The following ITGA4 variants were observed in gnomAD, a reference collection of about 807,000 sequenced individuals.
ITGA4 encodes the protein integrin alpha-4.
A neutral mutation model predicts 133.6 loss-of-function variants in ITGA4; 63 were observed. The observed-to-expected ratio is 0.47, with a 90% CI of 0.38 to 0.58. ITGA4 has a LOEUF of 0.58. ITGA4 is among the 20% of genes least tolerant of loss of function. The probability of loss-of-function intolerance (pLI) is 0.00; values close to 1 mark genes in which losing one functional copy is unlikely to be tolerated. For missense variants in ITGA4, 1,076 were observed against 1,252.7 expected (o/e 0.86, Z 2.13); for synonymous variants, 483 against 438.0 (o/e 1.10, Z -1.28).
intron 9 of ITGA4, 55 bp downstream of exon 9, chr2:181,482,706 A>T: frequency 6.5e-7 from 1 of 1,534,992 alleles, no homozygotes; most frequent in Non-Finnish European, 9.0e-7. Flanking sequence ...TCAAAACTCA[A>T]ATTGGTCTTA....
chr2:181,470,221 C>T (rs533701803), intron 2 of ITGA4, among the ~76,000 whole-genome samples: 1 of 151,836 alleles, frequency 6.6e-6, no homozygotes, highest in East Asian at 1.9e-4. Context: ...AGCAATCTCA[C>T]TGAAGGTATA....
Position 181,495,280 on chromosome 2 carries a change from A to G in ITGA4, c.1340-91A>G, listed in dbSNP as rs530771860. ...TCTATAAATAGTGTTTTAGGTAGTCAAAGGTGATACGTAGTTAAGTATTTA... is the reference window on the plus strand; with the variant it reads ...TCTATAAATAGTGTTTTAGGTAGTCGAAGGTGATACGTAGTTAAGTATTTA... On this transcript the variant is annotated intron_variant, in intron 12 of 27. Coordinates refer to ENST00000397033, the MANE Select transcript of ITGA4 (RefSeq NM_000885.6). This position sits in a 1 kb window ranked among gnomAD's most constrained non-coding sequence, Gnocchi z 4.3. 1.6e-4 allele frequency: 147 copies of G among 899,790 alleles called. No homozygotes were observed. In the Middle Eastern group the frequency reaches 2.0e-3, roughly 12 times the overall value. The allele number at this position is 899,790 out of a possible 1,614,324, so 55.7% of individuals were successfully genotyped here.
intron 9 of ITGA4, among the ~76,000 whole-genome samples, chr2:181,482,895 G>A (rs1685837337): frequency 6.6e-6 from 1 of 152,096 alleles, no homozygotes; most frequent in African/African-American, 2.4e-5. Context: ...TTCACAGCTT[G>A]TATGTGTTCA....
intron 2 of ITGA4, among the ~76,000 whole-genome samples, chr2:181,472,167 T>C (rs1048664559): frequency 2.6e-5 from 4 of 152,202 alleles, no homozygotes; most frequent in Admixed American, 6.5e-5. Flanking sequence ...AAGGAGGCAA[T>C]GCAGAATATT....
Position 181,478,880 on chromosome 2 carries a change from C to T in ITGA4, c.624+56C>T, listed in dbSNP as rs1187823332. The T allele has an allele frequency of 6.8e-6, 6 of 884,736 alleles. No homozygotes were observed. In the African/African-American group the frequency reaches 1.0e-4, roughly 15 times the overall value. The allele number at this position is 884,736 out of a possible 1,614,324, so 54.8% of individuals were successfully genotyped here. A position where few individuals can be genotyped will look rare whatever the true frequency, so the allele number is the denominator to read the frequency against. ...GTTTACATATAGAATCTTAATTCTT[C>T]TCATGGTTTGGAAGACTGATATGTT... On this transcript the variant is annotated intron_variant, in intron 5 of 27. Coordinates refer to ENST00000397033, the MANE Select transcript of ITGA4 (RefSeq NM_000885.6).
At position 181,498,313 on chromosome 2, in the gene ITGA4, T is replaced by A. The variant is rs155085; in HGVS notation, c.1541-310T>A. 1,330 of 168,650 alleles carry A rather than the reference T, an allele frequency of 7.9e-3. 17 individuals carry two copies. Among genetic ancestry groups the A allele is most frequent in the African/African-American group, 0.029 (1,208 of 42,036 alleles). The allele number at this position is 168,650 out of a possible 1,614,324, so 10.4% of individuals were successfully genotyped here. ...AAAAGGAATATGAAACATGCAAGAC[T>A]TTTATTAGCAACAATTTTTATATTT... On this transcript the variant is annotated intron_variant, in intron 14 of 27. Coordinates refer to ENST00000397033, the MANE Select transcript of ITGA4 (RefSeq NM_000885.6).
intron 24 of ITGA4, among the ~76,000 whole-genome samples, chr2:181,531,445 A>G (rs745572963): frequency 5.3e-5 from 8 of 152,254 alleles, no homozygotes; most frequent in Non-Finnish European, 1.0e-4. Context: ...GCTGCAGTTT[A>G]AATACTTTAT....
chr2:181,495,447 C>T lies in ITGA4; in HGVS notation c.1385+31C>T, dbSNP rs1178611538. On this transcript the variant is annotated intron_variant, in intron 13 of 27. Coordinates refer to ENST00000397033, the MANE Select transcript of ITGA4 (RefSeq NM_000885.6). The surrounding 1 kb of genome is among the most constrained non-coding windows in gnomAD (Gnocchi z 4.3). ...ACTGATATATTTCACTGCTTAATTG[C>T]AATTTGGTTTAATTGTAAAATGATG... The T allele has an allele frequency of 1.3e-6, 2 of 1,540,946 alleles. No homozygotes were observed. The highest frequency in any genetic ancestry group is 4.5e-5 in the East Asian group (2 of 44,402).
At chr2:181,475,725 T>C in intron 4 of ITGA4, 12 of 1,473,706 alleles carry the variant, frequency 8.1e-6, no homozygotes, top group Non-Finnish European at 1.0e-5. Context: ...TCGCACTCAC[T>C]ATCTCTTTTT....
chr2:181,524,349 G>A (rs1574411415), intron 20 of ITGA4, 99 bp downstream of exon 20: 1 of 655,032 alleles, frequency 1.5e-6, no homozygotes, highest in African/African-American at 1.9e-5. Context: ...TTAATTGTAA[G>A]AGAAAACTTC....
rs772525799 is a variant in ITGA4, at chr2:181,537,820, A to ATTGT, written c.*2295_*2298dup. ...TTGACTTTTAAAGCCCTAGAGGCTA[A>ATTGT]TTGTTAGTAACATCAATTTCTATTA... On this transcript the variant is annotated 3_prime_UTR_variant, in exon 28 of 28. Coordinates refer to ENST00000397033, the MANE Select transcript of ITGA4 (RefSeq NM_000885.6). 16 of 477,288 alleles carry ATTGT rather than the reference A, an allele frequency of 3.4e-5. No individual in the cohort carries two copies. The highest frequency in any genetic ancestry group is 6.2e-5 in the South Asian group (4 of 64,670). 29.6% of individuals were successfully genotyped at this position (477,288 alleles called of 1,614,324 possible). A position where few individuals can be genotyped will look rare whatever the true frequency, so the allele number is the denominator to read the frequency against.
At chr2:181,475,885 G>GA (rs750297357) in intron 4 of ITGA4, 2 of 1,586,124 alleles carry the variant, frequency 1.3e-6, no homozygotes, top group East Asian at 4.5e-5. Context: ...AATGTCAACA[G>GA]AGCATGTCAG....
chr2:181,486,917 G>A (rs16867430), intron 10 of ITGA4, among the ~76,000 whole-genome samples: 327 of 152,154 alleles, frequency 2.1e-3, no homozygotes, highest in Non-Finnish European at 3.3e-3. Flanking sequence ...AAGTGCTGGG[G>A]TACTATAAAT....
chr2:181,481,102 T>C (rs1685791621), intron 6 of ITGA4, among the ~76,000 whole-genome samples: 1 of 152,162 alleles, frequency 6.6e-6, no homozygotes, highest in Non-Finnish European at 1.5e-5. Context: ...TGTTTTCTTG[T>C]TTATGATGAA....
intron 21 of ITGA4, 64 bp downstream of exon 21, chr2:181,525,355 A>G (rs1686811595): frequency 2.4e-6 from 2 of 840,746 alleles, no homozygotes; most frequent in Non-Finnish European, 3.9e-6. Context: ...TGCTTCTTAC[A>G]TTAATGAAAA....
intron 25 of ITGA4, among the ~76,000 whole-genome samples, 163 bp downstream of exon 25, chr2:181,531,939 A>G (rs1295750719): frequency 6.6e-6 from 1 of 152,240 alleles, no homozygotes; most frequent in African/African-American, 2.4e-5. Context: ...TCAACTATCT[A>G]CATTGACTAA....
chr2:181,504,976 T>C (rs1275958325), intron 15 of ITGA4, among the ~76,000 whole-genome samples: 3 of 151,900 alleles, frequency 2.0e-5, no homozygotes, highest in Non-Finnish European at 4.4e-5. Context: ...ACCTGTGTCT[T>C]GGTCTCAGCT....
chr2:181,496,697 T>C (rs1395250036), intron 14 of ITGA4, among the ~76,000 whole-genome samples: 1 of 152,198 alleles, frequency 6.6e-6, no homozygotes. Context: ...TGTTCCTAAT[T>C]ATGTTTTATT....
intron 22 of ITGA4, among the ~76,000 whole-genome samples, chr2:181,528,438 A>C (rs1455491262): frequency 6.6e-6 from 1 of 152,246 alleles, no homozygotes; most frequent in Non-Finnish European, 1.5e-5. Flanking sequence ...AGTATTTTCT[A>C]CTAAATGTAT....
Sources: gnomAD v4.1 joint callset for allele counts (sites outside exome capture counted in the v4.1 genomes callset) on GRCh38, gnomAD v4.1.1 for gene constraint, Gnocchi (gnomAD v3.1) non-coding constraint, MANE v1.5 for transcripts, NCBI Gene and HGNC (gene_info 2026-07-23, HGNC 2026-07-21) for gene names.